OTUD4: variants seen among roughly 807,000 people sequenced by gnomAD.
The protein encoded by OTUD4 is OTU deubiquitinase 4, also known as OTU domain-containing protein 4.
OTUD4 carries 24 observed loss-of-function variants against 130.4 expected under a neutral mutation model. That is an observed-to-expected ratio of 0.18 (90% CI 0.13 to 0.26). The LOEUF (loss-of-function observed/expected upper bound fraction) is 0.26, where lower values mean the gene tolerates loss of function less well. Among genes scored for constraint, OTUD4 ranks in the 10% least tolerant of loss-of-function variants. The pLI, the probability that OTUD4 is intolerant of heterozygous loss-of-function variation, is 1.00. For missense variants in OTUD4, 1,031 were observed against 1,329.4 expected, an observed-to-expected ratio of 0.78 and a Z score of 3.49; for synonymous variants, 420 against 472.5, an observed-to-expected ratio of 0.89 and a Z score of 1.44.
intron 17 of OTUD4, among the ~76,000 whole-genome samples, 165 bp from the exon 18 acceptor site, chr4:145,142,499 T>C (rs967465697): frequency 1.3e-5 from 2 of 152,236 alleles, no homozygotes; most frequent in Non-Finnish European, 2.9e-5. Flanking sequence ...ACACAGTAGC[T>C]AAAGATAATA....
Position 145,136,053 on chromosome 4 carries a change from T to C in OTUD4, c.*1377A>G, listed in dbSNP as rs1560972953. On this transcript the variant is annotated 3_prime_UTR_variant, in exon 21 of 21. Transcript: ENST00000447906. ...ATGCAAAGAGAAATTACTACTATGT[T>C]ATTTGCATAGCACTCAAACTTCCTG... 6.6e-6 allele frequency: 1 copy of C among 152,662 alleles called. No individual in the cohort carries two copies. The highest frequency in any genetic ancestry group is 6.5e-5 in the Admixed American group (1 of 15,282). The allele number at this position is 152,662 out of a possible 1,614,324, so 9.5% of individuals were successfully genotyped here.
intron 10 of OTUD4, 96 bp from the exon 11 acceptor site, chr4:145,152,731 T>C (rs1227503560): frequency 1.3e-5 from 9 of 680,716 alleles, no homozygotes; most frequent in Non-Finnish European, 2.0e-5. Flanking sequence ...TTTTTTTTTT[T>C]CTTGAGACAG....
chr4:145,143,453 A>T lies in OTUD4; in HGVS notation c.1603-8T>A, dbSNP rs1015460860. The T allele has an allele frequency of 6.3e-7, 1 of 1,578,820 alleles. No homozygotes were observed. Among genetic ancestry groups the T allele is most frequent in the Non-Finnish European group, 8.7e-7 (1 of 1,152,932 alleles). ...TTTATCATCAGTAATATTCTTTGGAAGCAAAAAAGAAGCAAAGTTTTGTAT... is the reference window on the plus strand; with the variant it reads ...TTTATCATCAGTAATATTCTTTGGATGCAAAAAAGAAGCAAAGTTTTGTAT... On this transcript the variant is annotated splice_polypyrimidine_tract_variant and splice_region_variant and intron_variant, in intron 16 of 20. Transcript: ENST00000447906.
chr4:145,157,681 T>C (rs1191143047), intron 7 of OTUD4, among the ~76,000 whole-genome samples: 5 of 89,488 alleles, frequency 5.6e-5, no homozygotes, highest in Non-Finnish European at 1.0e-4. Context: ...CAAAACTCCG[T>C]CTCAAAAAAA....
Position 145,144,301 on chromosome 4 carries a change from G to A in OTUD4, c.1546+10C>T. ...TCTAGCATCTGCTTTCTAATGATGA[G>A]ATAACTTACCTTTGTCTTTTCGTTC... is the stretch of plus-strand genomic sequence containing the variant. On this transcript the variant is annotated intron_variant, in intron 15 of 20. Transcript: ENST00000447906. 1 of 1,608,118 alleles carries A rather than the reference G, an allele frequency of 6.2e-7. No homozygotes were observed. Among genetic ancestry groups the A allele is most frequent in the Middle Eastern group, 1.7e-4 (1 of 5,772 alleles).
chr4:145,167,981 A>G (rs535524684), intron 3 of OTUD4, among the ~76,000 whole-genome samples: 1 of 152,186 alleles, frequency 6.6e-6, no homozygotes, highest in South Asian at 2.1e-4. Context: ...TAAACAATGG[A>G]TATCCTAAAA....
In OTUD4 at chr4:145,143,776, A is replaced by G. The variant is rs558860573; in HGVS notation, c.1602+170T>C. Among the ~76,000 whole-genome samples the G allele has an allele frequency of 4.6e-5, 7 of 152,342 alleles. No homozygotes were observed. In the East Asian group the frequency reaches 1.2e-3, roughly 25 times the overall value. On this transcript the variant is annotated intron_variant, in intron 16 of 20. Transcript: ENST00000447906. ...CCTAATGTACCTTGAAGAAACTGTC[A>G]TAATTTGTGAGTGACTTCTCAATCC... is the stretch of plus-strand genomic sequence containing the variant.
intron 19 of OTUD4, 106 bp from the exon 20 acceptor site, chr4:145,140,097 T>C (rs1385969831): frequency 4.8e-6 from 2 of 416,602 alleles, no homozygotes; most frequent in African/African-American, 4.2e-5. Flanking sequence ...CTACTATAAT[T>C]GTCTTCTCTA....
At chr4:145,178,779 CAT>C in intron 1 of OTUD4, among the ~76,000 whole-genome samples, 1 of 152,234 alleles carries the variant, frequency 6.6e-6, no homozygotes, top group Non-Finnish European at 1.5e-5. Flanking sequence ...TTAAGTAAAA[CAT>C]TTACTCACAA....
At chr4:145,169,212 G>C (rs1053402871) in intron 3 of OTUD4, among the ~76,000 whole-genome samples, 1 of 152,202 alleles carries the variant, frequency 6.6e-6, no homozygotes, top group South Asian at 2.1e-4. Flanking sequence ...GTTTGCTGTG[G>C]TGGTTACATG....
chr4:145,160,639 CCT>C (rs950589663), intron 6 of OTUD4, among the ~76,000 whole-genome samples: 1 of 152,042 alleles, frequency 6.6e-6, no homozygotes, highest in African/African-American at 2.4e-5. Flanking sequence ...ATGGTGAAAC[CCT>C]GTCTCTACTA....
chr4:145,144,052 G>T, intron 15 of OTUD4, 51 bp from the exon 16 acceptor site: 2 of 1,350,834 alleles, frequency 1.5e-6, no homozygotes, highest in South Asian at 2.4e-5. Context: ...AGTCATGTCT[G>T]AACACAGAAG....
At chr4:145,154,475 G>GT (rs1471330419) in intron 10 of OTUD4, among the ~76,000 whole-genome samples, 5 of 152,124 alleles carry the variant, frequency 3.3e-5, no homozygotes, top group Admixed American at 2.0e-4. Context: ...TTTTAAAGTA[G>GT]TTTTTTTAAA....
At position 145,162,831 on chromosome 4, in the gene OTUD4, G is replaced by C. The variant is rs867016496; in HGVS notation, c.415-110C>G. On this transcript the variant is annotated intron_variant, in intron 5 of 20. Coordinates refer to ENST00000447906, the MANE Select transcript of OTUD4 (RefSeq NM_001366057.1). ...TTACTAGATCATTTCCAAACAGACAGTGAGTATTTTAGGAGTAACCTAAAG... is the reference window on the plus strand; with the variant it reads ...TTACTAGATCATTTCCAAACAGACACTGAGTATTTTAGGAGTAACCTAAAG... The C allele has an allele frequency of 2.5e-4, 137 of 544,474 alleles. 2 individuals carry two copies. In the Middle Eastern group the frequency reaches 9.1e-3, roughly 36 times the overall value. The allele number at this position is 544,474 out of a possible 1,614,324, so 33.7% of individuals were successfully genotyped here.
chr4:145,160,490 A>T (rs1027971275), intron 6 of OTUD4, among the ~76,000 whole-genome samples: 3 of 152,214 alleles, frequency 2.0e-5, no homozygotes, highest in African/African-American at 7.2e-5. Context: ...TATAACAATG[A>T]GCTTTAAGAA....
At position 145,134,689 on chromosome 4, in the gene OTUD4, T is replaced by C. The variant is rs1750152829; in HGVS notation, c.*2741A>G. On this transcript the variant is annotated 3_prime_UTR_variant, in exon 21 of 21. Transcript: ENST00000447906. The stretch of plus-strand genomic sequence containing the variant: ...ATTTGTGGGTTATCAGTAAACAGTA[T>C]GAGGACTACACAGATGCCAGCATCC... 1 of 398,766 alleles carries C rather than the reference T, an allele frequency of 2.5e-6. No homozygotes were observed. Among genetic ancestry groups the C allele is most frequent in the Non-Finnish European group, 4.4e-6 (1 of 225,980 alleles). 24.7% of individuals were successfully genotyped at this position (398,766 alleles called of 1,614,324 possible). A position where few individuals can be genotyped will look rare whatever the true frequency, so the allele number is the denominator to read the frequency against.
At chr4:145,173,671 C>T (rs1301331623) in intron 2 of OTUD4, among the ~76,000 whole-genome samples, 1 of 152,146 alleles carries the variant, frequency 6.6e-6, no homozygotes. Flanking sequence ...ATTATATCAA[C>T]ATTCTCTACC....
intron 2 of OTUD4, among the ~76,000 whole-genome samples, chr4:145,173,609 G>A (rs751994574): frequency 4.6e-5 from 7 of 151,890 alleles, no homozygotes; most frequent in South Asian, 2.1e-4. Context: ...TAGCCTCTGC[G>A]TTACCAGGTT....
At chr4:145,152,108 G>A (rs928256843) in intron 11 of OTUD4, among the ~76,000 whole-genome samples, 1 of 152,090 alleles carries the variant, frequency 6.6e-6, no homozygotes, top group Non-Finnish European at 1.5e-5. Flanking sequence ...CTTTTCTAGA[G>A]GTCGGAACAA....
Sources: gnomAD v4.1 joint callset for allele counts (sites outside exome capture counted in the v4.1 genomes callset) on GRCh38, gnomAD v4.1.1 for gene constraint, MANE v1.5 for transcripts, NCBI Gene and HGNC (gene_info 2026-07-23, HGNC 2026-07-21) for gene names.